CLXN: variants seen among roughly 807,000 people sequenced by gnomAD.
CLXN encodes calaxin.
chr8:48,732,918 G>T, the CLXN span, among the ~76,000 whole-genome samples: 1,543 of 152,258 alleles, frequency 0.01, 12 homozygotes, highest in Non-Finnish European at 0.017. Flanking sequence ...AGACAAAGTA[G>T]AATGATAGTT....
chr8:48,712,178 G>A, the CLXN span: 1 of 152,204 alleles, frequency 6.6e-6, no homozygotes, highest in Non-Finnish European at 1.5e-5. Context: ...CACTCACAGA[G>A]AGGATTCCTA....
chr8:48,721,409 T>A, the CLXN span, among the ~76,000 whole-genome samples: 2 of 152,186 alleles, frequency 1.3e-5, no homozygotes, highest in East Asian at 3.9e-4. Context: ...CTCAATACAA[T>A]CCTTATCAAA....
At chr8:48,713,309 C>T in the CLXN span, among the ~76,000 whole-genome samples, 3 of 152,100 alleles carry the variant, frequency 2.0e-5, no homozygotes, top group Admixed American at 6.5e-5. Flanking sequence ...CTTTTGTAGT[C>T]GCTCTATGTC....
At chr8:48,725,757 T>C in the CLXN span, among the ~76,000 whole-genome samples, 1 of 152,024 alleles carries the variant, frequency 6.6e-6, no homozygotes, top group African/African-American at 2.4e-5. Context: ...TGAGCCGAGA[T>C]TGTGCCATTG....
chr8:48,714,547 G>A, the CLXN span, among the ~76,000 whole-genome samples: 1 of 152,312 alleles, frequency 6.6e-6, no homozygotes, highest in East Asian at 1.9e-4. Context: ...TATTCATATG[G>A]AGGTCAGTAT....
chr8:48,735,128 C>T, the CLXN span: 9 of 1,614,152 alleles, frequency 5.6e-6, no homozygotes, highest in African/African-American at 9.3e-5. Context: ...TGTCCGTCAG[C>T]TTCTGCAGTT....
chr8:48,730,700 G>T, the CLXN span: 2 of 987,032 alleles, frequency 2.0e-6, no homozygotes, highest in Non-Finnish European at 1.5e-6. Context: ...TCTCAGTAAA[G>T]TATCTACATT....
At chr8:48,722,626 C>T in the CLXN span, among the ~76,000 whole-genome samples, 3 of 152,184 alleles carry the variant, frequency 2.0e-5, no homozygotes, top group East Asian at 1.9e-4. Flanking sequence ...TAGAGTCCTT[C>T]CAGGCAATTA....
the CLXN span, among the ~76,000 whole-genome samples, chr8:48,727,400 AAAAG>A: frequency 6.6e-6 from 1 of 152,220 alleles, no homozygotes; most frequent in Non-Finnish European, 1.5e-5. Flanking sequence ...GCTGCTAAGT[AAAAG>A]AAAGAAAGAA....
At chr8:48,734,571 A>C in the CLXN span, 1 of 152,310 alleles carries the variant, frequency 6.6e-6, no homozygotes, top group Non-Finnish European at 1.5e-5. Context: ...GTTTCCAAAC[A>C]AATATTGTTC....
chr8:48,727,894 G>C, the CLXN span, among the ~76,000 whole-genome samples: 1 of 152,168 alleles, frequency 6.6e-6, no homozygotes, highest in African/African-American at 2.4e-5. Context: ...TGGAGGTGTA[G>C]CTAACAGTGT....
chr8:48,716,938 T>G, the CLXN span, among the ~76,000 whole-genome samples: 1 of 152,014 alleles, frequency 6.6e-6, no homozygotes, highest in Non-Finnish European at 1.5e-5. Flanking sequence ...GGGAGAGAAA[T>G]GAACACCCAG....
chr8:48,725,396 T>C, the CLXN span, among the ~76,000 whole-genome samples: 2 of 152,246 alleles, frequency 1.3e-5, no homozygotes, highest in Non-Finnish European at 2.9e-5. Context: ...AAAGCCATTA[T>C]ATAAGAAACA....
At chr8:48,729,737 T>A in the CLXN span, 1 of 1,611,768 alleles carries the variant, frequency 6.2e-7, no homozygotes, top group East Asian at 2.2e-5. Flanking sequence ...TTCAGTGTTA[T>A]TTCAACCAAA....
the CLXN span, among the ~76,000 whole-genome samples, chr8:48,734,921 C>T: frequency 6.6e-6 from 1 of 152,160 alleles, no homozygotes; most frequent in African/African-American, 2.4e-5. Flanking sequence ...AAGGAGCTGG[C>T]ACCCCGGGAT....
the CLXN span, chr8:48,731,369 C>T: frequency 6.2e-7 from 1 of 1,612,220 alleles, no homozygotes; most frequent in Non-Finnish European, 8.5e-7. Context: ...ATCATGTCAT[C>T]TGTCATTCCA....
At chr8:48,731,538 C>G in the CLXN span, 2 of 1,530,078 alleles carry the variant, frequency 1.3e-6, no homozygotes, top group African/African-American at 1.4e-5. Context: ...AAAAATGAAC[C>G]CTTAATCTTT....
chr8:48,717,561 T>A, the CLXN span, among the ~76,000 whole-genome samples: 1 of 152,136 alleles, frequency 6.6e-6, no homozygotes, highest in African/African-American at 2.4e-5. Flanking sequence ...AATAAAAACA[T>A]GGTAAGCAGC....
At chr8:48,731,568 G>A in the CLXN span, 189 of 1,395,316 alleles carry the variant, frequency 1.4e-4, no homozygotes, top group Non-Finnish European at 1.7e-4. Flanking sequence ...CTTAAATTTT[G>A]CAATAAGTTT....
Sources: allele counts gnomAD v4.1 joint callset (sites outside exome capture counted in the v4.1 genomes callset), GRCh38; gene constraint gnomAD v4.1.1; transcripts MANE v1.5; gene names NCBI Gene and HGNC (gene_info 2026-07-23, HGNC 2026-07-21).